Variants in PKN2 observed in about 807,000 individuals in gnomAD.
The protein encoded by PKN2 is protein kinase N2, also known as serine/threonine-protein kinase N2.
In PKN2, 38 loss-of-function variants were observed where a neutral mutation model predicts 119.1. The observed-to-expected ratio is 0.32, with a 90% CI of 0.25 to 0.42. The LOEUF is 0.42. PKN2 is among the 10% of genes least tolerant of loss of function. The probability of loss-of-function intolerance (pLI) is 1.00; values close to 1 mark genes in which losing one functional copy is unlikely to be tolerated. For missense variants in PKN2, 850 were observed against 1,165.1 expected, an observed-to-expected ratio of 0.73 and a Z score of 3.94; for synonymous variants, 390 against 384.9, an observed-to-expected ratio of 1.01 and a Z score of -0.15.
In PKN2 at chr1:88,788,738, C is replaced by G. The variant is rs545600781; in HGVS notation, c.1281+2525C>G. On this transcript the variant is annotated intron_variant, in intron 8 of 21. Transcript: ENST00000370521. ...GGGATTACACTCCTGAACCACCGTG[C>G]CTGGCCTAATCCAGGATTCTTAATG... 6.6e-5 allele frequency among the ~76,000 whole-genome samples: 10 copies of G among 152,282 alleles called. 1 individual carries two copies. The East Asian group carries it at 7.7e-4, about 12-fold the overall frequency.
At chr1:88,695,215 T>C (rs1238074675) in intron 1 of PKN2, among the ~76,000 whole-genome samples, 1 of 152,188 alleles carries the variant, frequency 6.6e-6, no homozygotes, top group African/African-American at 2.4e-5. Context: ...GATAGAAACA[T>C]CTACACATAG....
chr1:88,739,719 T>G (rs1668501191), intron 1 of PKN2, among the ~76,000 whole-genome samples: 1 of 152,236 alleles, frequency 6.6e-6, no homozygotes, highest in African/African-American at 2.4e-5. Context: ...TAATGGACTT[T>G]GAAACAGTAA....
intron 2 of PKN2, among the ~76,000 whole-genome samples, chr1:88,743,671 C>G (rs1449499674): frequency 6.6e-6 from 1 of 152,132 alleles, no homozygotes; most frequent in Non-Finnish European, 1.5e-5. Context: ...ATTTTCAAGG[C>G]TTATTACAGA....
At chr1:88,757,596 A>G (rs558306120) in intron 2 of PKN2, among the ~76,000 whole-genome samples, 1 of 152,260 alleles carries the variant, frequency 6.6e-6, no homozygotes, top group East Asian at 1.9e-4. Flanking sequence ...AGTAACTTGC[A>G]GTTTAGGCAG....
At chr1:88,789,154 G>T (rs910589332) in intron 8 of PKN2, among the ~76,000 whole-genome samples, 8 of 152,102 alleles carry the variant, frequency 5.3e-5, no homozygotes, top group African/African-American at 1.9e-4. Context: ...AAGCAGTTAG[G>T]ACAAGTAAAA....
At chr1:88,781,209 TG>T in intron 6 of PKN2, 1 of 1,221,892 alleles carries the variant, frequency 8.2e-7, no homozygotes, top group Non-Finnish European at 1.1e-6. Context: ...CTATTATTTG[TG>T]GTTCGTCTCA....
intron 15 of PKN2, among the ~76,000 whole-genome samples, chr1:88,812,060 G>A (rs1009819523): frequency 2.6e-5 from 4 of 152,186 alleles, no homozygotes; most frequent in African/African-American, 4.8e-5. Context: ...TTTAAATAAA[G>A]TTGGATTGTT....
At chr1:88,767,247 A>G (rs557143997) in intron 3 of PKN2, among the ~76,000 whole-genome samples, 62 of 152,340 alleles carry the variant, frequency 4.1e-4, no homozygotes, top group African/African-American at 1.3e-3. Context: ...TGGTATCACA[A>G]TTTACATAGT....
intron 2 of PKN2, among the ~76,000 whole-genome samples, chr1:88,757,207 A>G (rs542121077): frequency 6.6e-6 from 1 of 152,302 alleles, no homozygotes; most frequent in Non-Finnish European, 1.5e-5. Context: ...TAAAGTATGG[A>G]TAATATCTGT....
rs1241757694 is a variant in PKN2, at chr1:88,823,972, G to A, written c.2343-338G>A. ...TGCAGTGAGCTGAGACCACGCCATT[G>A]CACTCCAGCCTGGGTGACAAAGTGA... On this transcript the variant is annotated intron_variant, in intron 17 of 21. Coordinates refer to ENST00000370521, the MANE Select transcript of PKN2 (RefSeq NM_006256.4). 5.8e-5 allele frequency among the ~76,000 whole-genome samples: 8 copies of A among 137,306 alleles called. No homozygotes were observed. In the East Asian group the frequency reaches 1.7e-3, roughly 29 times the overall value. 90.1% of individuals were successfully genotyped at this position (137,306 alleles called of 152,430 possible).
At chr1:88,785,190 G>C (rs1670521307) in intron 7 of PKN2, among the ~76,000 whole-genome samples, 1 of 152,016 alleles carries the variant, frequency 6.6e-6, no homozygotes, top group Admixed American at 6.6e-5. Context: ...GCCCAGGCTG[G>C]GTGCAGTGGT....
chr1:88,742,309 A>AT (rs1232638405), intron 2 of PKN2, among the ~76,000 whole-genome samples: 14 of 152,162 alleles, frequency 9.2e-5, no homozygotes, highest in Non-Finnish European at 1.6e-4. Context: ...AGAACCTTAA[A>AT]TTTTTACCAT....
chr1:88,737,737 G>C (rs1030113929), intron 1 of PKN2, among the ~76,000 whole-genome samples: 1 of 152,158 alleles, frequency 6.6e-6, no homozygotes, highest in Non-Finnish European at 1.5e-5. Flanking sequence ...CTGGTGTTGG[G>C]TTTCACCACG....
At chr1:88,730,808 A>G (rs1334115470) in intron 1 of PKN2, among the ~76,000 whole-genome samples, 2 of 152,240 alleles carry the variant, frequency 1.3e-5, no homozygotes, top group African/African-American at 4.8e-5. Flanking sequence ...TATGAGACTT[A>G]AAAATAATAT....
At chr1:88,780,659 TCAA>T (rs1316874749) in intron 6 of PKN2, among the ~76,000 whole-genome samples, 1 of 152,192 alleles carries the variant, frequency 6.6e-6, no homozygotes, top group Non-Finnish European at 1.5e-5. Flanking sequence ...TTTGATACAT[TCAA>T]CAAGTACTTG....
chr1:88,792,162 T>C (rs977133674), intron 8 of PKN2, among the ~76,000 whole-genome samples: 1 of 152,286 alleles, frequency 6.6e-6, no homozygotes, highest in East Asian at 1.9e-4. Context: ...CCCAGCACTT[T>C]GGGAGGCCGA....
intron 1 of PKN2, among the ~76,000 whole-genome samples, chr1:88,714,632 G>A (rs1312161584): frequency 1.3e-5 from 2 of 152,204 alleles, no homozygotes; most frequent in African/African-American, 2.4e-5. Context: ...TTTGTATCCT[G>A]AGACTGCTAA....
At chr1:88,734,752 G>C (rs1668272610) in intron 1 of PKN2, among the ~76,000 whole-genome samples, 1 of 151,882 alleles carries the variant, frequency 6.6e-6, no homozygotes, top group Admixed American at 6.6e-5. Flanking sequence ...GTTATTTTTG[G>C]TGTATTTCTT....
At chr1:88,696,853 C>G (rs1189894235) in intron 1 of PKN2, among the ~76,000 whole-genome samples, 3 of 151,936 alleles carry the variant, frequency 2.0e-5, no homozygotes. Flanking sequence ...CCCATTTTTT[C>G]TGATTTTTCT....
Sources: allele counts gnomAD v4.1 joint callset (sites outside exome capture counted in the v4.1 genomes callset), GRCh38; gene constraint gnomAD v4.1.1; transcripts MANE v1.5; gene names NCBI Gene and HGNC (gene_info 2026-07-23, HGNC 2026-07-21).